The following RNF34 variants were observed in gnomAD, a reference collection of about 807,000 sequenced individuals.
The protein encoded by RNF34 is ring finger protein 34.
RNF34 carries 12 observed loss-of-function variants against 37.9 expected under a neutral mutation model. That is an observed-to-expected ratio of 0.32 (90% CI 0.20 to 0.51). The LOEUF (loss-of-function observed/expected upper bound fraction) is 0.51, where lower values mean the gene tolerates loss of function less well. Ranked by LOEUF, RNF34 falls within the 20% of genes least tolerant of loss-of-function variation. The pLI, the probability that RNF34 is intolerant of heterozygous loss-of-function variation, is 0.97. For synonymous variants in RNF34, 155 were observed against 177.2 expected, an observed-to-expected ratio of 0.87 and a Z score of 1.00; for missense variants, 362 against 472.7, an observed-to-expected ratio of 0.77 and a Z score of 2.17.
At chr12:121,402,861 A>G in intron 1 of RNF34, 1 of 1,329,628 alleles carries the variant, frequency 7.5e-7, no homozygotes, top group Admixed American at 1.7e-5. Flanking sequence ...AGTTTGGCCA[A>G]TGTCTTGTCT....
In RNF34 at chr12:121,417,211, T is replaced by C. The variant is rs1871658021; in HGVS notation, c.226-293T>C. Among the ~76,000 whole-genome samples the C allele has an allele frequency of 6.6e-6, 1 of 152,260 alleles. No homozygotes were observed. On this transcript the variant is annotated intron_variant, in intron 2 of 5. Transcript: ENST00000361234. The surrounding 1 kb of genome is among the most constrained non-coding windows in gnomAD (Gnocchi z 5.0). ...TTTCTGCTCTGTGTGGTTCAAGCTCTGTTTTGTTAATTACATGTTTATACC... is the reference window on the plus strand; with the variant it reads ...TTTCTGCTCTGTGTGGTTCAAGCTCCGTTTTGTTAATTACATGTTTATACC...
intron 1 of RNF34, among the ~76,000 whole-genome samples, chr12:121,410,175 A>G (rs1000505227): frequency 6.6e-6 from 1 of 151,656 alleles, no homozygotes; most frequent in African/African-American, 2.4e-5. Context: ...AAAAGGAATT[A>G]TGTTCATTTC....
chr12:121,401,524 T>C (rs1869999002), intron 1 of RNF34, among the ~76,000 whole-genome samples: 1 of 152,176 alleles, frequency 6.6e-6, no homozygotes, highest in South Asian at 2.1e-4. Context: ...TTATAAAATA[T>C]TATTACAGCT....
intron 1 of RNF34, among the ~76,000 whole-genome samples, chr12:121,411,145 G>A (rs1555281324): frequency 3.9e-5 from 6 of 152,130 alleles, no homozygotes; most frequent in Admixed American, 3.9e-4. Context: ...TGCCCAGGCT[G>A]GTCTTGACCT....
Position 121,416,759 on chromosome 12 carries a change from G to A in RNF34, c.225+382G>A, listed in dbSNP as rs1871610757. 4 of 194,900 alleles carry A rather than the reference G, an allele frequency of 2.1e-5. No individual in the cohort carries two copies. In the South Asian group the frequency reaches 3.2e-4, roughly 16 times the overall value. 12.1% of individuals were successfully genotyped at this position (194,900 alleles called of 1,614,324 possible). On this transcript the variant is annotated intron_variant, in intron 2 of 5. Transcript: ENST00000361234. ...TACCTTAACTTTCAAATGAATAAATGAATGCAATAAATTAACTACTCTTTA... is the reference window on the plus strand; with the variant it reads ...TACCTTAACTTTCAAATGAATAAATAAATGCAATAAATTAACTACTCTTTA...
rs781939092 is a variant in RNF34 at position 121,416,317 on chromosome 12, G to A, written c.165G>A (p.Thr55=). 11 of 1,614,010 alleles carry A rather than the reference G, an allele frequency of 6.8e-6. No homozygotes were observed. Among genetic ancestry groups the A allele is most frequent in the East Asian group, 6.7e-5 (3 of 44,896 alleles). The change falls in exon 2 of 6, where the codon ACG becomes ACA. Residue 55 remains threonine, a synonymous_variant. Coordinates refer to ENST00000361234, the MANE Select transcript of RNF34 (RefSeq NM_025126.4). ...PEFSTYPPAA[T]EGPNIVCKAC... Reference sequence around the variant, plus strand: ...TTTCCACCTACCCACCAGCAGCTACGGAAGGGCCCAACATAGTTTGTAAAG... The same window carrying A: ...TTTCCACCTACCCACCAGCAGCTACAGAAGGGCCCAACATAGTTTGTAAAG...
chr12:121,422,649 C>T (rs1872266087), intron 5 of RNF34, among the ~76,000 whole-genome samples: 1 of 152,214 alleles, frequency 6.6e-6, no homozygotes, highest in Admixed American at 6.5e-5. Context: ...ATTCATGATT[C>T]CCTTTGATCT....
intron 1 of RNF34, among the ~76,000 whole-genome samples, chr12:121,401,044 A>T (rs1281600536): frequency 6.6e-6 from 1 of 152,006 alleles, no homozygotes; most frequent in African/African-American, 2.4e-5. Context: ...TAACTTTCAG[A>T]CCTAGATGGT....
intron 1 of RNF34, among the ~76,000 whole-genome samples, chr12:121,408,766 G>A (rs1334119891): frequency 6.6e-6 from 1 of 152,164 alleles, no homozygotes; most frequent in Admixed American, 6.5e-5. Context: ...GATAGACCCA[G>A]AAATCACTGA....
intron 1 of RNF34, among the ~76,000 whole-genome samples, chr12:121,406,714 C>G (rs570519893): frequency 6.6e-6 from 1 of 152,258 alleles, no homozygotes; most frequent in South Asian, 2.1e-4. Flanking sequence ...ATTAGACTAT[C>G]AAGAACAAGT....
chr12:121,423,488 T>C lies in RNF34; in HGVS notation c.1031T>C (p.Val344Ala). Residue 344 changes from valine (V) to alanine (A), a missense_variant, in exon 6 of 6, where the codon GTT becomes GCT. Coordinates refer to ENST00000361234, the MANE Select transcript of RNF34 (RefSeq NM_025126.4). The surrounding 1 kb of genome is among the most constrained non-coding windows in gnomAD (Gnocchi z 4.3). The stretch of plus-strand genomic sequence containing the variant: ...GTCCTACTGGAGTGTGGGCACATGG[T>C]TACCTGCACCAAGTGCGGCAAGCGC... ...DCVLLECGHMVTCTKCGKRMS... is the reference protein window; with the variant it reads ...DCVLLECGHMATCTKCGKRMS... The C allele has an allele frequency of 6.2e-7, 1 of 1,614,160 alleles. No individual in the cohort carries two copies. Among genetic ancestry groups the C allele is most frequent in the Non-Finnish European group, 8.5e-7 (1 of 1,180,002 alleles).
At chr12:121,400,375 C>T (rs113384828) in intron 1 of RNF34, among the ~76,000 whole-genome samples, 157 bp downstream of exon 1, 2 of 152,240 alleles carry the variant, frequency 1.3e-5, no homozygotes, top group Non-Finnish European at 2.9e-5. Flanking sequence ...GGTGCCCCAA[C>T]CGAGCCAGGG....
intron 1 of RNF34, among the ~76,000 whole-genome samples, chr12:121,408,633 A>G (rs1481371185): frequency 1.3e-5 from 2 of 152,158 alleles, no homozygotes; most frequent in Non-Finnish European, 2.9e-5. Flanking sequence ...GTACAGGAAG[A>G]TGAAACATAC....
At chr12:121,420,358 T>C in intron 4 of RNF34, 24 bp downstream of exon 4, 1 of 1,555,320 alleles carries the variant, frequency 6.4e-7, no homozygotes, top group African/African-American at 1.4e-5. Flanking sequence ...TAAAATTTGG[T>C]TTCCCTGACA....
Position 121,402,908 on chromosome 12 carries a change from G to T in RNF34, c.6+2690G>T, listed in dbSNP as rs1243986273. On this transcript the variant is annotated intron_variant, in intron 1 of 5. Transcript: ENST00000361234. ...ATTTTAGAGTTCATCATCTGTTTTTGCAACCTGCTTAATGTCCAAATGGTA... is the reference window on the plus strand; with the variant it reads ...ATTTTAGAGTTCATCATCTGTTTTTTCAACCTGCTTAATGTCCAAATGGTA... 4 of 837,698 alleles carry T rather than the reference G, an allele frequency of 4.8e-6. No individual in the cohort carries two copies. The East Asian group carries it at 9.8e-5, about 21-fold the overall frequency. The allele number at this position is 837,698 out of a possible 1,614,324, so 51.9% of individuals were successfully genotyped here. A position where few individuals can be genotyped will look rare whatever the true frequency, so the allele number is the denominator to read the frequency against.
intron 1 of RNF34, among the ~76,000 whole-genome samples, chr12:121,413,414 C>T (rs376707194): frequency 1.0e-5 from 1 of 96,694 alleles, no homozygotes; most frequent in East Asian, 3.9e-4. Context: ...TTTTACCTGT[C>T]CTTTTTTTTT....
chr12:121,415,447 C>A (rs1408762915), intron 1 of RNF34: 2 of 188,234 alleles, frequency 1.1e-5, no homozygotes, highest in African/African-American at 4.6e-5. Context: ...ATGGTGAAAC[C>A]CAATCTCTAC....
chr12:121,408,470 TAAAAA>T (rs1268037211), intron 1 of RNF34, among the ~76,000 whole-genome samples: 1 of 150,902 alleles, frequency 6.6e-6, no homozygotes, highest in Admixed American at 6.6e-5. Flanking sequence ...TAAAAATAAA[TAAAAA>T]CTAGAAAATG....
Position 121,417,391 on chromosome 12 carries a change from C to A in RNF34, c.226-113C>A. ...AATACCTCTGGAAATAGTCTGGTGC[C>A]ACTGGGGACTTCACTAAGAACTAAA... On this transcript the variant is annotated intron_variant, in intron 2 of 5. Transcript: ENST00000361234. The surrounding 1 kb of genome is among the most constrained non-coding windows in gnomAD (Gnocchi z 5.0). The A allele has an allele frequency of 1.2e-6, 1 of 806,722 alleles. No homozygotes were observed. Among genetic ancestry groups the A allele is most frequent in the Non-Finnish European group, 1.9e-6 (1 of 514,058 alleles). The allele number at this position is 806,722 out of a possible 1,614,324, so 50.0% of individuals were successfully genotyped here. A position where few individuals can be genotyped will look rare whatever the true frequency, so the allele number is the denominator to read the frequency against.
Sources: allele counts gnomAD v4.1 joint callset (sites outside exome capture counted in the v4.1 genomes callset), GRCh38; gene constraint gnomAD v4.1.1; non-coding constraint Gnocchi (gnomAD v3.1); transcripts MANE v1.5; gene names NCBI Gene and HGNC (gene_info 2026-07-23, HGNC 2026-07-21).